PPA1: variants seen among roughly 807,000 people sequenced by gnomAD.
PPA1 encodes inorganic pyrophosphatase 1.
A neutral mutation model predicts 41.8 loss-of-function variants in PPA1; 23 were observed. That is an observed-to-expected ratio of 0.55 (90% CI 0.40 to 0.78). The LOEUF is 0.78. Ranked by LOEUF, PPA1 falls within the 30% of genes least tolerant of loss-of-function variation. PPA1 has a pLI of 0.00. For missense variants in PPA1, 320 were observed against 361.6 expected, an observed-to-expected ratio of 0.89 and a Z score of 0.93; for synonymous variants, 101 against 116.8, an observed-to-expected ratio of 0.86 and a Z score of 0.87.
At position 70,233,376 on chromosome 10, in the gene PPA1, C is replaced by T. The variant is rs947402820; in HGVS notation, c.-49G>A. The T allele has an allele frequency of 6.6e-7, 1 of 1,526,302 alleles. No homozygotes were observed. Among genetic ancestry groups the T allele is most frequent in the Non-Finnish European group, 8.8e-7 (1 of 1,140,398 alleles). The allele number at this position is 1,526,302 out of a possible 1,614,324, so 94.5% of individuals were successfully genotyped here. A position where few individuals can be genotyped will look rare whatever the true frequency, so the allele number is the denominator to read the frequency against. Reference sequence around the variant, plus strand: ...GCTGCCACAGAGCCACCAGCCCGCACGCGGCGCCGACTGACAAGGAGAGAG... The same window carrying T: ...GCTGCCACAGAGCCACCAGCCCGCATGCGGCGCCGACTGACAAGGAGAGAG... On this transcript the variant is annotated 5_prime_UTR_variant, in exon 1 of 11. It adds an upstream start codon to the 5' untranslated region. Coordinates refer to ENST00000373232, the MANE Select transcript of PPA1 (RefSeq NM_021129.4).
At chr10:70,231,046 T>C (rs1840285522) in intron 1 of PPA1, among the ~76,000 whole-genome samples, 1 of 152,212 alleles carries the variant, frequency 6.6e-6, no homozygotes, top group South Asian at 2.1e-4. Context: ...TACTAAACAA[T>C]GTTGCTAAAA....
intron 4 of PPA1, among the ~76,000 whole-genome samples, chr10:70,217,513 G>C (rs1018936424): frequency 6.6e-6 from 1 of 152,090 alleles, no homozygotes; most frequent in Non-Finnish European, 1.5e-5. Context: ...TTTCTTGACT[G>C]AACAGACTTG....
Position 70,213,562 on chromosome 10 carries a change from C to T in PPA1, c.412G>A (p.Val138Met), listed in dbSNP as rs146821187. 36 of 1,613,918 alleles carry T rather than the reference C, an allele frequency of 2.2e-5. No homozygotes were observed. In the Admixed American group the frequency reaches 2.3e-4, roughly 10 times the overall value. Residue 138 changes from valine (V) to methionine (M), a missense_variant, in exon 6 of 11, where the codon GTG becomes ATG. By Grantham distance (21) the Val-to-Met change is conservative (BLOSUM62 1). Coordinates refer to ENST00000373232, the MANE Select transcript of PPA1 (RefSeq NM_021129.4). The part of the protein sequence containing the change: ...KVCARGEIIG[V>M]KVLGILAMID... ...ATAGCCAATATGCCTAGAACTTTCA[C>T]GCCAATTATTTCACCTCTTGCACAT...
chr10:70,204,656 A>C (rs1589889044), intron 10 of PPA1: 4 of 451,560 alleles, frequency 8.9e-6, no homozygotes, highest in Non-Finnish European at 1.2e-5. Context: ...GTAGATTTCA[A>C]ATGTTTTTAC....
At chr10:70,233,057 G>A (rs1015817346) in intron 1 of PPA1, among the ~76,000 whole-genome samples, 3 of 152,210 alleles carry the variant, frequency 2.0e-5, no homozygotes, top group Non-Finnish European at 4.4e-5. Flanking sequence ...GTTCAGCGGG[G>A]AGGGATGGCC....
At chr10:70,208,827 C>T (rs1839980708) in intron 8 of PPA1, among the ~76,000 whole-genome samples, 1 of 145,172 alleles carries the variant, frequency 6.9e-6, no homozygotes. Context: ...GAGTCTCGCT[C>T]TGTCGCCCAG....
At chr10:70,227,650 CAA>C (rs11382289) in intron 2 of PPA1, among the ~76,000 whole-genome samples, 25,919 of 74,402 alleles carry the variant, frequency 0.35, 2,706 homozygotes, top group African/African-American at 0.42. Flanking sequence ...AACCCTATCT[CAA>C]AAAAAAAAAA....
intron 2 of PPA1, among the ~76,000 whole-genome samples, chr10:70,224,814 T>C (rs1840210220): frequency 6.6e-6 from 1 of 152,208 alleles, no homozygotes; most frequent in Non-Finnish European, 1.5e-5. Context: ...CACTGCAACC[T>C]CCGTCTCCCG....
chr10:70,215,383 C>G (rs1344829290), intron 4 of PPA1, among the ~76,000 whole-genome samples: 3 of 152,028 alleles, frequency 2.0e-5, no homozygotes, highest in Non-Finnish European at 4.4e-5. Flanking sequence ...GCCACTGTAC[C>G]TGGTCTTAGA....
intron 10 of PPA1, 134 bp downstream of exon 10, chr10:70,204,739 T>C (rs1839918107): frequency 1.5e-6 from 1 of 657,696 alleles, no homozygotes; most frequent in Non-Finnish European, 2.5e-6. Context: ...TTCCACATTG[T>C]AAACATATAT....
intron 3 of PPA1, 80 bp from the exon 4 acceptor site, chr10:70,218,011 G>A: frequency 2.4e-6 from 3 of 1,255,232 alleles, no homozygotes; most frequent in Non-Finnish European, 2.2e-6. Context: ...AATGAATTAT[G>A]GTACCTATGT....
intron 4 of PPA1, among the ~76,000 whole-genome samples, chr10:70,214,978 T>G (rs562718507): frequency 6.6e-5 from 10 of 152,164 alleles, no homozygotes; most frequent in Admixed American, 3.9e-4. Context: ...GTGGATCACC[T>G]GAGGTCAGGA....
chr10:70,220,789 A>ATATATATATATAATATATATAATTTT (rs1564584283), intron 2 of PPA1, among the ~76,000 whole-genome samples: 25 of 2,280 alleles, frequency 0.011, 9 homozygotes, highest in African/African-American at 0.044. Context: ...TATATAATTT[A>ATATATATATATAATATATATAATTTT]TATATATATA....
chr10:70,225,341 C>T (rs1214699040), intron 2 of PPA1, among the ~76,000 whole-genome samples: 1 of 151,960 alleles, frequency 6.6e-6, no homozygotes, highest in Non-Finnish European at 1.5e-5. Flanking sequence ...CCTCTGCCTC[C>T]TGGACCACAG....
chr10:70,222,419 A>AT lies in PPA1; in HGVS notation c.124-3603dup, dbSNP rs35144998. The stretch of plus-strand genomic sequence containing the variant: ...TGCAAAAGCCAGAGTCAATTCATTG[A>AT]TTTTTTTCAACAAATATTTGTTGTG... On this transcript the variant is annotated intron_variant, in intron 2 of 10. Coordinates refer to ENST00000373232, the MANE Select transcript of PPA1 (RefSeq NM_021129.4). 3.8e-3 allele frequency among the ~76,000 whole-genome samples: 568 copies of AT among 149,804 alleles called. 4 individuals are homozygous for AT. Among genetic ancestry groups the AT allele is most frequent in the African/African-American group, 0.013 (540 of 40,982 alleles).
Position 70,218,008 on chromosome 10 carries a change from T to C in PPA1, c.178-77A>G. On this transcript the variant is annotated intron_variant, in intron 3 of 10. Coordinates refer to ENST00000373232, the MANE Select transcript of PPA1 (RefSeq NM_021129.4). ...CAAATAAGGATCTGAGGAAATGAATTATGGTACCTATGTTCCCTAATTCCA... is the reference window on the plus strand; with the variant it reads ...CAAATAAGGATCTGAGGAAATGAATCATGGTACCTATGTTCCCTAATTCCA... 4 of 1,261,282 alleles carry C rather than the reference T, an allele frequency of 3.2e-6. No homozygotes were observed. The South Asian group carries it at 7.3e-5, about 23-fold the overall frequency. The allele number at this position is 1,261,282 out of a possible 1,614,324, so 78.1% of individuals were successfully genotyped here.
chr10:70,212,896 G>A (rs569137491), intron 6 of PPA1, among the ~76,000 whole-genome samples: 55 of 150,504 alleles, frequency 3.7e-4, no homozygotes, highest in African/African-American at 1.0e-3. Context: ...CACTTACTTC[G>A]CTAAGTGAAA....
chr10:70,220,812 T>TATATATA (rs1840144177), intron 2 of PPA1, among the ~76,000 whole-genome samples: 1 of 3,304 alleles, frequency 3.0e-4, no homozygotes, highest in Non-Finnish European at 4.5e-4. Context: ...ATATATAATT[T>TATATATA]TTATATATAT....
At chr10:70,216,626 C>G (rs1840085067) in intron 4 of PPA1, among the ~76,000 whole-genome samples, 1 of 152,160 alleles carries the variant, frequency 6.6e-6, no homozygotes, top group South Asian at 2.1e-4. Flanking sequence ...ATAGTACGTT[C>G]CATTTAACAG....
Sources: gnomAD v4.1 joint callset for allele counts (sites outside exome capture counted in the v4.1 genomes callset) on GRCh38, gnomAD v4.1.1 for gene constraint, MANE v1.5 for transcripts, NCBI Gene and HGNC (gene_info 2026-07-23, HGNC 2026-07-21) for gene names.